CACNA2D3: variants seen among roughly 807,000 people sequenced by gnomAD.
CACNA2D3 encodes voltage-dependent calcium channel subunit alpha-2/delta-3.
A neutral mutation model predicts 160.6 loss-of-function variants in CACNA2D3; 60 were observed. That is an observed-to-expected ratio of 0.37 (90% CI 0.30 to 0.46). The LOEUF (loss-of-function observed/expected upper bound fraction) is 0.46. Among genes scored for constraint, CACNA2D3 ranks in the 20% least tolerant of loss-of-function variants. The probability of loss-of-function intolerance (pLI) is 1.00; values close to 1 mark genes in which losing one functional copy is unlikely to be tolerated. For missense variants in CACNA2D3, 1,205 were observed against 1,365.0 expected (o/e 0.88, Z 1.85); for synonymous variants, 558 against 492.9 (o/e 1.13, Z -1.75).
chr3:54,683,224 G>A (rs950597495), intron 11 of CACNA2D3, among the ~76,000 whole-genome samples: 15 of 152,298 alleles, frequency 9.8e-5, no homozygotes, highest in African/African-American at 3.1e-4. Context: ...AAGTTACTAG[G>A]AGAGAACTTG....
rs1559480728 is a variant in CACNA2D3, at chr3:55,074,379, C to CAAAAAGTTATCTATCATCTT, written c.*174_*193dup. 1.7e-6 allele frequency: 1 copy of CAAAAAGTTATCTATCATCTT among 586,078 alleles called. No homozygotes were observed. Among genetic ancestry groups the CAAAAAGTTATCTATCATCTT allele is most frequent in the Non-Finnish European group, 3.0e-6 (1 of 329,758 alleles). 36.3% of individuals were successfully genotyped at this position (586,078 alleles called of 1,614,324 possible). Reference sequence around the variant, plus strand: ...ATATAAACTCTTAAAGATATGTTGACAAAAAGTTATCTATCATCTTTTTAC... The same window carrying CAAAAAGTTATCTATCATCTT: ...ATATAAACTCTTAAAGATATGTTGACAAAAAGTTATCTATCATCTTAAAAAGTTATCTATCATCTTTTTAC... On this transcript the variant is annotated 3_prime_UTR_variant, in exon 38 of 38. Coordinates refer to ENST00000474759, the MANE Select transcript of CACNA2D3 (RefSeq NM_018398.3).
chr3:54,603,753 CAAG>C lies in CACNA2D3; in HGVS notation c.963+21879_963+21881del, dbSNP rs1358135961. 2.6e-5 allele frequency among the ~76,000 whole-genome samples: 4 copies of C among 152,086 alleles called. No individual in the cohort carries two copies. In the East Asian group the frequency reaches 7.7e-4, roughly 29 times the overall value. ...ACAATTTCTTACTACACGAAACAAT[CAAG>C]AATATGGATAAGCAATAGCAAGAGA... On this transcript the variant is annotated intron_variant, in intron 9 of 37. Coordinates refer to ENST00000474759, the MANE Select transcript of CACNA2D3 (RefSeq NM_018398.3).
intron 2 of CACNA2D3, among the ~76,000 whole-genome samples, chr3:54,238,943 A>G (rs911685885): frequency 6.6e-6 from 1 of 152,236 alleles, no homozygotes; most frequent in African/African-American, 2.4e-5. Context: ...CATTTTGAAT[A>G]TTTTATTAGC....
chr3:54,831,089 A>G (rs770495611), intron 14 of CACNA2D3, among the ~76,000 whole-genome samples: 12 of 152,248 alleles, frequency 7.9e-5, no homozygotes, highest in Non-Finnish European at 1.6e-4. Flanking sequence ...CAAAATATAG[A>G]AGAAATATGA....
intron 2 of CACNA2D3, among the ~76,000 whole-genome samples, chr3:54,295,585 A>C (rs1703323670): frequency 6.6e-6 from 1 of 152,198 alleles, no homozygotes; most frequent in Non-Finnish European, 1.5e-5. Flanking sequence ...ATGAGAGACA[A>C]ACGGTTGCAT....
At chr3:54,123,991 G>A (rs977682950) in intron 2 of CACNA2D3, among the ~76,000 whole-genome samples, 1 of 152,174 alleles carries the variant, frequency 6.6e-6, no homozygotes, top group Non-Finnish European at 1.5e-5. Flanking sequence ...TGCGTTGGAG[G>A]CGTGGGGTTC....
intron 4 of CACNA2D3, among the ~76,000 whole-genome samples, chr3:54,488,224 A>G (rs1017666206): frequency 6.6e-6 from 1 of 152,186 alleles, no homozygotes; most frequent in African/African-American, 2.4e-5. Context: ...GGGTTGCTTA[A>G]GCAAGGTAGT....
At chr3:54,596,838 T>C (rs1028763626) in intron 9 of CACNA2D3, among the ~76,000 whole-genome samples, 1 of 152,130 alleles carries the variant, frequency 6.6e-6, no homozygotes, top group Non-Finnish European at 1.5e-5. Flanking sequence ...GTTAACTCTT[T>C]CCCATTTTCT....
intron 13 of CACNA2D3, among the ~76,000 whole-genome samples, chr3:54,790,501 T>C (rs1296251511): frequency 6.6e-6 from 1 of 152,208 alleles, no homozygotes; most frequent in East Asian, 1.9e-4. Context: ...ATATGTAGCA[T>C]GCATGTGTCA....
At chr3:54,126,949 G>A (rs75993432) in intron 2 of CACNA2D3, among the ~76,000 whole-genome samples, 1 of 152,098 alleles carries the variant, frequency 6.6e-6, no homozygotes, top group South Asian at 2.1e-4. Context: ...TTTCATTACC[G>A]CTGTATTTTG....
At chr3:54,699,367 T>C (rs949757943) in intron 11 of CACNA2D3, among the ~76,000 whole-genome samples, 1 of 152,138 alleles carries the variant, frequency 6.6e-6, no homozygotes, top group Non-Finnish European at 1.5e-5. Flanking sequence ...GCTCCTTCTT[T>C]AATGGGGCAG....
intron 12 of CACNA2D3, among the ~76,000 whole-genome samples, chr3:54,756,885 C>G (rs1235176493): frequency 6.6e-6 from 1 of 152,088 alleles, no homozygotes; most frequent in Non-Finnish European, 1.5e-5. Context: ...CCAGGGAGGC[C>G]TGGAGCTTGT....
At chr3:54,628,176 G>A (rs674542) in intron 10 of CACNA2D3, among the ~76,000 whole-genome samples, 69,301 of 151,944 alleles carry the variant, frequency 0.46, 16,509 homozygotes, top group Non-Finnish European at 0.52. Flanking sequence ...AGCTTGAAGT[G>A]AGCCGAGATT....
At chr3:55,042,650 A>G (rs926946930) in intron 35 of CACNA2D3, among the ~76,000 whole-genome samples, 5 of 152,208 alleles carry the variant, frequency 3.3e-5, no homozygotes, top group African/African-American at 1.2e-4. Flanking sequence ...TACTCGTGAT[A>G]AAATTGGCTC....
chr3:54,789,041 A>G (rs895747051), intron 13 of CACNA2D3, among the ~76,000 whole-genome samples: 1 of 152,204 alleles, frequency 6.6e-6, no homozygotes, highest in Admixed American at 6.5e-5. Context: ...CATTTATTGA[A>G]TGCTCACAGT....
rs139006554 is a variant in CACNA2D3, at chr3:55,070,218, G to A, written c.2988-3227G>A. On this transcript the variant is annotated intron_variant, in intron 35 of 37. Transcript: ENST00000474759. ...AGGAAGAAGAGGCAGAAGGAAAGTG[G>A]TGAAGTCATTGGTGTCCTTGGCAAT... Among the ~76,000 whole-genome samples the A allele has an allele frequency of 3.9e-5, 6 of 152,294 alleles. No individual in the cohort carries two copies. In the East Asian group the frequency reaches 1.2e-3, roughly 29 times the overall value.
At chr3:54,257,671 C>T (rs1702324619) in intron 2 of CACNA2D3, among the ~76,000 whole-genome samples, 1 of 151,858 alleles carries the variant, frequency 6.6e-6, no homozygotes, top group Non-Finnish European at 1.5e-5. Context: ...GTTTGCTGGC[C>T]AACATTAAAG....
intron 11 of CACNA2D3, among the ~76,000 whole-genome samples, chr3:54,685,082 A>G (rs1049779972): frequency 1.3e-5 from 2 of 152,216 alleles, no homozygotes; most frequent in Non-Finnish European, 2.9e-5. Flanking sequence ...GAAAATGACG[A>G]GGCTCCAGAG....
chr3:54,181,692 G>C (rs1034469804), intron 2 of CACNA2D3, among the ~76,000 whole-genome samples: 4 of 152,092 alleles, frequency 2.6e-5, no homozygotes, highest in African/African-American at 9.7e-5. Context: ...GTGCTTTCAC[G>C]TAAATTATTT....
Sources: gnomAD v4.1 joint callset for allele counts (sites outside exome capture counted in the v4.1 genomes callset) on GRCh38, gnomAD v4.1.1 for gene constraint, MANE v1.5 for transcripts, NCBI Gene and HGNC (gene_info 2026-07-23, HGNC 2026-07-21) for gene names.